The following CDH23 variants were observed in gnomAD, a reference collection of about 807,000 sequenced individuals.
CDH23 encodes the protein cadherin related 23.
In CDH23, 189 loss-of-function variants were observed where a neutral mutation model predicts 317.1. The ratio of observed to expected loss-of-function variants is 0.60; its 90% CI spans 0.53 to 0.67. The LOEUF (loss-of-function observed/expected upper bound fraction) is 0.67. Ranked by LOEUF, CDH23 falls within the 30% of genes least tolerant of loss-of-function variation. The pLI is 0.00. For missense variants in CDH23, 4,401 were observed against 4,592.4 expected (o/e 0.96, Z 1.20); for synonymous variants, 1,839 against 1,876.8 (o/e 0.98, Z 0.52).
At chr10:71,669,212 C>G (rs1407563454) in intron 14 of CDH23, among the ~76,000 whole-genome samples, 4 of 152,028 alleles carry the variant, frequency 2.6e-5, no homozygotes, top group Non-Finnish European at 5.9e-5. Flanking sequence ...TTGGTGCCAG[C>G]AAGTGCCCAC....
intron 6 of CDH23, among the ~76,000 whole-genome samples, chr10:71,512,544 G>A (rs973602730): frequency 1.3e-5 from 2 of 152,224 alleles, no homozygotes; most frequent in Non-Finnish European, 2.9e-5. Context: ...CCAAGGGCAC[G>A]GCTCAGAGTT....
At chr10:71,803,934 A>C (rs1841634660) in intron 55 of CDH23, among the ~76,000 whole-genome samples, 3 of 149,296 alleles carry the variant, frequency 2.0e-5, no homozygotes, top group Non-Finnish European at 4.4e-5. Flanking sequence ...GCAGTGAGCC[A>C]AGATCACACC....
At chr10:71,420,386 ATGATGATGATGGTGATGG>A (rs1228022162) in intron 1 of CDH23, among the ~76,000 whole-genome samples, 28 of 63,286 alleles carry the variant, frequency 4.4e-4, no homozygotes, top group Non-Finnish European at 7.9e-4. Flanking sequence ...ATGCACACAC[ATGATGATGATGGTGATGG>A]TGATGATGAT....
At position 71,570,897 on chromosome 10, in the gene CDH23, C is replaced by T. The variant is rs538068566; in HGVS notation, c.732C>T (p.Asn244=). 5 of 1,614,014 alleles carry T rather than the reference C, an allele frequency of 3.1e-6. No homozygotes were observed. In the East Asian group the frequency reaches 6.7e-5, roughly 22 times the overall value. Residue 244 remains asparagine, a synonymous_variant, in exon 8 of 70, where the codon AAC becomes AAT. Transcript: ENST00000224721. ...PIFINLPYST[N]IYEHSPPGTT... ...TCATCAACCTGCCTTACAGCACCAA[C>T]ATCTACGAGCATTCTCCTCCGGTAA...
intron 26 of CDH23, among the ~76,000 whole-genome samples, chr10:71,708,688 C>A (rs1041369777): frequency 1.3e-5 from 2 of 152,192 alleles, no homozygotes; most frequent in African/African-American, 4.8e-5. Context: ...CATATACAAG[C>A]CCCTATGCAG....
intron 26 of CDH23, chr10:71,707,280 G>A (rs1865828039): frequency 3.5e-6 from 5 of 1,436,860 alleles, no homozygotes; most frequent in Non-Finnish European, 4.5e-6. Context: ...TCCTGAACCT[G>A]TTGGTTGCAG....
At chr10:71,415,539 T>G (rs1848499332) in intron 1 of CDH23, among the ~76,000 whole-genome samples, 1 of 152,242 alleles carries the variant, frequency 6.6e-6, no homozygotes, top group Non-Finnish European at 1.5e-5. Flanking sequence ...GAATTTGTAT[T>G]TCTTTTCTTC....
chr10:71,499,766 G>A (rs191190291), intron 3 of CDH23, among the ~76,000 whole-genome samples: 8 of 152,164 alleles, frequency 5.3e-5, no homozygotes, highest in Admixed American at 5.2e-4. Context: ...TTGACCCCAC[G>A]ACGCAGAGGT....
intron 14 of CDH23, among the ~76,000 whole-genome samples, chr10:71,655,975 C>T (rs1052324715): frequency 6.6e-6 from 1 of 152,174 alleles, no homozygotes; most frequent in Non-Finnish European, 1.5e-5. Context: ...CAGAGAACCC[C>T]AAGGCCTGGC....
At chr10:71,491,013 AAAAAT>A (rs1326541992) in intron 3 of CDH23, among the ~76,000 whole-genome samples, 4 of 152,140 alleles carry the variant, frequency 2.6e-5, no homozygotes, top group African/African-American at 4.8e-5. Context: ...CCATCGCAAA[AAAAAT>A]AAAATAAAAT....
intron 9 of CDH23, among the ~76,000 whole-genome samples, chr10:71,609,531 C>T (rs964769725): frequency 2.0e-5 from 3 of 152,100 alleles, no homozygotes; most frequent in Non-Finnish European, 2.9e-5. Context: ...CTTTGCCAGA[C>T]CTTCCTCTTC....
intron 1 of CDH23, among the ~76,000 whole-genome samples, chr10:71,428,552 C>T (rs1270466282): frequency 6.6e-6 from 1 of 151,684 alleles, no homozygotes; most frequent in Non-Finnish European, 1.5e-5. Context: ...TGATGGTGAG[C>T]ATTGTTTCAT....
In CDH23 at chr10:71,815,316, TCCA is replaced by T. The variant is rs778187024; in HGVS notation, c.*41_*43del. On this transcript the variant is annotated 3_prime_UTR_variant, in exon 70 of 70. Transcript: ENST00000224721. Reference sequence around the variant, plus strand: ...GCCTTGTGGGTGTGAGCAGCACCCATCCACCGTCCCCTCCCAGGGAGCAAGGGC... The same window carrying T: ...GCCTTGTGGGTGTGAGCAGCACCCATCCGTCCCCTCCCAGGGAGCAAGGGC... 136 of 1,491,404 alleles carry T rather than the reference TCCA, an allele frequency of 9.1e-5. No homozygotes were observed. The highest frequency in any genetic ancestry group is 1.2e-4 in the Non-Finnish European group (134 of 1,109,032). 92.4% of individuals were successfully genotyped at this position (1,491,404 alleles called of 1,614,324 possible).
chr10:71,789,724 T>C (rs1395690629), intron 45 of CDH23, among the ~76,000 whole-genome samples: 36 of 152,270 alleles, frequency 2.4e-4, no homozygotes, highest in Non-Finnish European at 1.5e-5. Context: ...CAGACACATA[T>C]AGGTACATGG....
intron 6 of CDH23, among the ~76,000 whole-genome samples, chr10:71,548,107 C>T (rs1170442050): frequency 6.6e-6 from 1 of 152,180 alleles, no homozygotes; most frequent in African/African-American, 2.4e-5. Flanking sequence ...GTGCTTTTTG[C>T]CCTGACGTTC....
chr10:71,683,277 C>T (rs1364696727), intron 18 of CDH23, among the ~76,000 whole-genome samples: 2 of 152,182 alleles, frequency 1.3e-5, no homozygotes, highest in African/African-American at 2.4e-5. Flanking sequence ...AGACAGCGAA[C>T]GCGTGTTGAT....
intron 1 of CDH23, among the ~76,000 whole-genome samples, chr10:71,433,126 A>G (rs1056017651): frequency 6.6e-6 from 1 of 152,098 alleles, no homozygotes; most frequent in Non-Finnish European, 1.5e-5. Flanking sequence ...AGACAATAAA[A>G]CTTCCCATAA....
intron 2 of CDH23, among the ~76,000 whole-genome samples, chr10:71,445,599 G>C (rs999843078): frequency 6.6e-6 from 1 of 152,184 alleles, no homozygotes; most frequent in African/African-American, 2.4e-5. Flanking sequence ...AGCACTTTAG[G>C]AGGCCAAGGC....
chr10:71,672,024 C>G (rs931903652), intron 14 of CDH23, among the ~76,000 whole-genome samples: 1 of 152,116 alleles, frequency 6.6e-6, no homozygotes, highest in African/African-American at 2.4e-5. Flanking sequence ...TGACCCCACG[C>G]TGCCCTCTGG....
Sources: allele counts gnomAD v4.1 joint callset (sites outside exome capture counted in the v4.1 genomes callset), GRCh38; gene constraint gnomAD v4.1.1; transcripts MANE v1.5; gene names NCBI Gene and HGNC (gene_info 2026-07-23, HGNC 2026-07-21).